Variants in GABRG1 observed in about 807,000 individuals in gnomAD.
GABRG1 encodes the protein gamma-aminobutyric acid receptor subunit gamma-1.
GABRG1 carries 49 observed loss-of-function variants against 49.8 expected under a neutral mutation model. The observed-to-expected ratio is 0.98, with a 90% CI of 0.78 to 1.25. GABRG1 has a LOEUF of 1.25. Ranked by LOEUF, GABRG1 falls within the 50% of genes most tolerant of loss-of-function variation. The pLI, the probability that GABRG1 is intolerant of heterozygous loss-of-function variation, is 0.00. For missense variants in GABRG1, 552 were observed against 552.3 expected (o/e 1.00, Z 0.01); for synonymous variants, 232 against 185.1 (o/e 1.25, Z -2.06).
intron 1 of GABRG1, among the ~76,000 whole-genome samples, chr4:46,112,202 G>T (rs1488377774): frequency 6.6e-6 from 1 of 151,168 alleles, no homozygotes; most frequent in Non-Finnish European, 1.5e-5. Flanking sequence ...TTTTTCAAAA[G>T]AAGACATAGA....
chr4:46,120,152 C>A (rs1450277935), intron 1 of GABRG1, among the ~76,000 whole-genome samples: 1 of 151,620 alleles, frequency 6.6e-6, no homozygotes, highest in African/African-American at 2.4e-5. Context: ...TGGTAAAGGC[C>A]AGGATTCTCA....
At position 46,035,866 on chromosome 4, in the gene GABRG1, T is replaced by C. The variant is rs562424466; in HGVS notation, c.*5122A>G. ...AGAACACTGAAAAATTGAGACACCT[T>C]TGCCACAAAATTACAAATGTTCCTC... On this transcript the variant is annotated 3_prime_UTR_variant, in exon 9 of 9. Transcript: ENST00000295452. 14 of 152,084 alleles carry C rather than the reference T, an allele frequency of 9.2e-5. No homozygotes were observed. The South Asian group carries it at 2.9e-3, about 32-fold the overall frequency. The allele number at this position is 152,084 out of a possible 1,614,324, so 9.4% of individuals were successfully genotyped here.
intron 3 of GABRG1, among the ~76,000 whole-genome samples, chr4:46,075,130 A>G (rs1471304283): frequency 6.6e-6 from 1 of 151,814 alleles, no homozygotes; most frequent in Non-Finnish European, 1.5e-5. Flanking sequence ...TAAGATGAAC[A>G]CGGTTTCTTT....
chr4:46,105,088 A>C (rs1497560), intron 1 of GABRG1, among the ~76,000 whole-genome samples: 40 of 151,552 alleles, frequency 2.6e-4, no homozygotes, highest in African/African-American at 9.6e-4. Context: ...AAGGAGATAG[A>C]AAACCAGATT....
intron 3 of GABRG1, among the ~76,000 whole-genome samples, chr4:46,067,577 G>T (rs772837263): frequency 6.6e-6 from 1 of 152,012 alleles, no homozygotes; most frequent in Non-Finnish European, 1.5e-5. Flanking sequence ...AATTTTGATT[G>T]CTGTGCTAGA....
At chr4:46,058,701 C>T in intron 5 of GABRG1, 79 bp from the exon 6 acceptor site, 1 of 1,113,508 alleles carries the variant, frequency 9.0e-7, no homozygotes, top group East Asian at 2.4e-5. Context: ...AAGGTAGATT[C>T]TTGGAACTTT....
chr4:46,051,890 C>A (rs1289877444), intron 7 of GABRG1, among the ~76,000 whole-genome samples: 5 of 151,792 alleles, frequency 3.3e-5, no homozygotes, highest in African/African-American at 9.7e-5. Flanking sequence ...TCCCTTCCTC[C>A]ATTGTAATAG....
rs1250441560 is a variant in GABRG1 at position 46,041,258 on chromosome 4, A to G, written c.1132-4T>C. On this transcript the variant is annotated splice_polypyrimidine_tract_variant and splice_region_variant and intron_variant, in intron 8 of 8. Coordinates refer to ENST00000295452, the MANE Select transcript of GABRG1 (RefSeq NM_173536.4). ...CAGGATGGAGACCAGGAGTCATCTG[A>G]GCACAATAATAAATGAATTTTTGAC... is the stretch of plus-strand genomic sequence containing the variant. 1 of 1,609,420 alleles carries G rather than the reference A, an allele frequency of 6.2e-7. No individual in the cohort carries two copies. Among genetic ancestry groups the G allele is most frequent in the Admixed American group, 1.7e-5 (1 of 59,406 alleles).
rs768281552 is a variant in GABRG1, at chr4:46,058,376, GAA to G, written c.764-9_764-8del. On this transcript the variant is annotated splice_region_variant and splice_polypyrimidine_tract_variant and intron_variant, in intron 6 of 8. Transcript: ENST00000295452. ...GTCATGATAACATAATCCCCTGTAA[GAA>G]AAAAAAGTTTTATTTTGGCTATATA... The G allele has an allele frequency of 6.3e-7, 1 of 1,596,660 alleles. No homozygotes were observed.
At chr4:46,109,707 T>A (rs1159049536) in intron 1 of GABRG1, among the ~76,000 whole-genome samples, 1 of 151,160 alleles carries the variant, frequency 6.6e-6, no homozygotes. Context: ...CTTTAGTATA[T>A]TGTGTCTCTG....
Position 46,036,328 on chromosome 4 carries a change from G to A in GABRG1, c.*4660C>T, listed in dbSNP as rs1185400768. The A allele has an allele frequency of 1.3e-5, 2 of 151,630 alleles. No individual in the cohort carries two copies. Among genetic ancestry groups the A allele is most frequent in the Non-Finnish European group, 2.9e-5 (2 of 67,846 alleles). 9.4% of individuals were successfully genotyped at this position (151,630 alleles called of 1,614,324 possible). On this transcript the variant is annotated 3_prime_UTR_variant, in exon 9 of 9. Coordinates refer to ENST00000295452, the MANE Select transcript of GABRG1 (RefSeq NM_173536.4). ...CATATATATATGTATGTATGTCTCA[G>A]TTAGAAAACTGGAAATGGTTATTTG...
At chr4:46,060,646 C>T (rs1471931717) in intron 5 of GABRG1, among the ~76,000 whole-genome samples, 4 of 152,132 alleles carry the variant, frequency 2.6e-5, no homozygotes, top group Non-Finnish European at 5.9e-5. Flanking sequence ...GTATTTTGCA[C>T]TAGGATCTCT....
At chr4:46,092,717 TAATG>T (rs1170039371) in intron 2 of GABRG1, among the ~76,000 whole-genome samples, 1 of 151,912 alleles carries the variant, frequency 6.6e-6, no homozygotes, top group Non-Finnish European at 1.5e-5. Context: ...AAAAATTACT[TAATG>T]AAGGACACAA....
intron 3 of GABRG1, among the ~76,000 whole-genome samples, chr4:46,081,924 G>A (rs145316027): frequency 4.7e-4 from 71 of 151,956 alleles, no homozygotes; most frequent in African/African-American, 1.7e-3. Flanking sequence ...GCAAGCCAAT[G>A]ACATAGATCT....
At chr4:46,059,248 G>A (rs4695144) in intron 5 of GABRG1, among the ~76,000 whole-genome samples, 77,045 of 151,942 alleles carry the variant, frequency 0.51, 20,135 homozygotes, top group African/African-American at 0.63. Flanking sequence ...ACATTATTAT[G>A]CATGCCTCCC....
intron 1 of GABRG1, among the ~76,000 whole-genome samples, chr4:46,122,715 A>G (rs558326650): frequency 9.9e-4 from 150 of 152,124 alleles, no homozygotes; most frequent in Non-Finnish European, 1.8e-3. Context: ...GTTTATAATA[A>G]TAATTCATTT....
intron 3 of GABRG1, among the ~76,000 whole-genome samples, chr4:46,075,768 C>T (rs1719304096): frequency 6.6e-6 from 1 of 151,952 alleles, no homozygotes; most frequent in African/African-American, 2.4e-5. Context: ...AATTCCAGGA[C>T]ATTTAAGTGC....
intron 1 of GABRG1, among the ~76,000 whole-genome samples, chr4:46,104,946 T>C (rs1687505584): frequency 6.6e-6 from 1 of 151,466 alleles, no homozygotes; most frequent in South Asian, 2.1e-4. Context: ...AGGTTTATAT[T>C]TCTGTAAACC....
intron 1 of GABRG1, among the ~76,000 whole-genome samples, chr4:46,119,897 T>C (rs182116168): frequency 6.6e-6 from 1 of 151,874 alleles, no homozygotes; most frequent in Admixed American, 6.6e-5. Flanking sequence ...CTACTGCACT[T>C]AAAACCACTT....
Sources: allele counts gnomAD v4.1 joint callset (sites outside exome capture counted in the v4.1 genomes callset), GRCh38; gene constraint gnomAD v4.1.1; transcripts MANE v1.5; gene names NCBI Gene and HGNC (gene_info 2026-07-23, HGNC 2026-07-21).